The following DLG2 variants were observed in gnomAD, a reference collection of about 807,000 sequenced individuals.
The protein encoded by DLG2 is discs large MAGUK scaffold protein 2, also known as disks large homolog 2.
In DLG2, 45 loss-of-function variants were observed where a neutral mutation model predicts 132.5. The ratio of observed to expected loss-of-function variants is 0.34; its 90% confidence interval spans 0.27 to 0.44. DLG2 has a LOEUF of 0.44. Among genes scored for constraint, DLG2 ranks in the 20% least tolerant of loss-of-function variants. The probability of loss-of-function intolerance (pLI) is 1.00; values close to 1 mark genes in which losing one functional copy is unlikely to be tolerated. For synonymous variants in DLG2, 424 were observed against 419.6 expected, an observed-to-expected ratio of 1.01 and a Z score of -0.13; for missense variants, 1,045 against 1,196.9, an observed-to-expected ratio of 0.87 and a Z score of 1.87.
intron 7 of DLG2, among the ~76,000 whole-genome samples, chr11:84,358,869 G>A (rs187537130): frequency 6.6e-5 from 10 of 151,992 alleles, no homozygotes; most frequent in African/African-American, 2.2e-4. Context: ...AAGAAATTGA[G>A]GGACATATGA....
At chr11:84,395,418 T>C (rs971860943) in intron 7 of DLG2, among the ~76,000 whole-genome samples, 1 of 152,086 alleles carries the variant, frequency 6.6e-6, no homozygotes, top group African/African-American at 2.4e-5. Context: ...TTTCTTCTTT[T>C]GCTTTTTTCC....
chr11:84,743,898 G>A (rs1476544050), intron 6 of DLG2, among the ~76,000 whole-genome samples: 1 of 151,812 alleles, frequency 6.6e-6, no homozygotes, highest in African/African-American at 2.4e-5. Context: ...CTAATTTTTT[G>A]TATTTTTAGT....
intron 16 of DLG2, among the ~76,000 whole-genome samples, chr11:83,850,181 T>G: frequency 7.5e-6 from 1 of 132,914 alleles, no homozygotes; most frequent in African/African-American, 2.9e-5. Flanking sequence ...TGAGACGGAG[T>G]CTCACTCTGT....
At chr11:83,842,474 G>C (rs1300903667) in intron 16 of DLG2, among the ~76,000 whole-genome samples, 1 of 137,226 alleles carries the variant, frequency 7.3e-6, no homozygotes, top group East Asian at 2.2e-4. Flanking sequence ...TGCACCTGTA[G>C]TCCCAGCTGC....
chr11:84,990,328 T>TA (rs1456654854), intron 6 of DLG2, among the ~76,000 whole-genome samples: 1 of 152,178 alleles, frequency 6.6e-6, no homozygotes, highest in Non-Finnish European at 1.5e-5. Flanking sequence ...CATTAAGAGG[T>TA]AGGGCCTTTA....
intron 19 of DLG2, among the ~76,000 whole-genome samples, chr11:83,619,018 AT>A (rs1159000273): frequency 6.6e-6 from 1 of 152,116 alleles, no homozygotes; most frequent in Admixed American, 6.6e-5. Context: ...CCTATGTAGT[AT>A]TTTATAATTA....
At chr11:83,782,285 T>C (rs760319181) in intron 18 of DLG2, among the ~76,000 whole-genome samples, 2 of 152,218 alleles carry the variant, frequency 1.3e-5, no homozygotes, top group Non-Finnish European at 2.9e-5. Flanking sequence ...CTGAAAACAT[T>C]ATATTGCATT....
chr11:84,174,014 CT>C (rs11338428), intron 8 of DLG2, among the ~76,000 whole-genome samples: 9,120 of 60,356 alleles, frequency 0.15, 436 homozygotes, highest in East Asian at 0.23. Flanking sequence ...ACCCCCCGGC[CT>C]TTTTTTTTTT....
At chr11:84,797,877 G>T (rs1252078766) in intron 6 of DLG2, among the ~76,000 whole-genome samples, 1 of 152,142 alleles carries the variant, frequency 6.6e-6, no homozygotes, top group African/African-American at 2.4e-5. Context: ...AGTATTCAAA[G>T]AGACTTGGGC....
chr11:84,510,858 A>G (rs1216849956), intron 7 of DLG2, among the ~76,000 whole-genome samples: 1 of 151,806 alleles, frequency 6.6e-6, no homozygotes, highest in Non-Finnish European at 1.5e-5. Flanking sequence ...GGAGTGGAGG[A>G]GCAGAGAGTT....
chr11:85,528,331 A>T (rs1168926044), intron 3 of DLG2, among the ~76,000 whole-genome samples: 1 of 152,150 alleles, frequency 6.6e-6, no homozygotes, highest in Non-Finnish European at 1.5e-5. Flanking sequence ...TTTAAATATA[A>T]GTCTTTAACC....
intron 6 of DLG2, among the ~76,000 whole-genome samples, chr11:84,794,292 G>A (rs544055642): frequency 1.3e-5 from 2 of 152,326 alleles, no homozygotes; most frequent in Admixed American, 6.5e-5. Context: ...GTAACACAAA[G>A]GATAAATGTT....
chr11:84,881,936 C>T (rs995250600), intron 6 of DLG2, among the ~76,000 whole-genome samples: 9 of 152,006 alleles, frequency 5.9e-5, no homozygotes, highest in African/African-American at 1.2e-4. Flanking sequence ...CATATTCTAC[C>T]TTTTATTCTG....
intron 6 of DLG2, among the ~76,000 whole-genome samples, chr11:84,631,093 C>T (rs941523480): frequency 4.6e-5 from 2 of 43,656 alleles, no homozygotes; most frequent in African/African-American, 1.8e-4. Context: ...GAGCCATCCC[C>T]ACAGAGTATC....
intron 6 of DLG2, among the ~76,000 whole-genome samples, chr11:84,983,422 A>G (rs2056048213): frequency 6.6e-6 from 1 of 152,140 alleles, no homozygotes; most frequent in Admixed American, 6.5e-5. Context: ...TCAGGAAGCC[A>G]CATCCTAGGA....
At chr11:83,497,914 A>T (rs1233883602) in intron 21 of DLG2, among the ~76,000 whole-genome samples, 1 of 145,340 alleles carries the variant, frequency 6.9e-6, no homozygotes, top group Non-Finnish European at 1.5e-5. Context: ...TTAATTTATT[A>T]AAAAAAAAAC....
chr11:84,783,162 T>C (rs2072135984), intron 6 of DLG2, among the ~76,000 whole-genome samples: 1 of 152,238 alleles, frequency 6.6e-6, no homozygotes, highest in African/African-American at 2.4e-5. Context: ...TCTAGTAGTC[T>C]AAATTTTACT....
intron 3 of DLG2, among the ~76,000 whole-genome samples, chr11:85,547,747 C>G (rs2076422104): frequency 6.6e-6 from 1 of 152,030 alleles, no homozygotes; most frequent in African/African-American, 2.4e-5. Flanking sequence ...TCTTCAGTCA[C>G]TGATATCCTT....
rs147056272 is a variant in DLG2, at chr11:84,339,649, T to C, written c.520-88358A>G. ...AAGGAGTCTGGACTCTGTGGTGTCC[T>C]TTCCTTGGTCTATCAAGATCATCCC... On this transcript the variant is annotated intron_variant, in intron 7 of 27. Coordinates refer to ENST00000376104, the MANE Select transcript of DLG2 (RefSeq NM_001142699.3). Among the ~76,000 whole-genome samples the C allele has an allele frequency of 1.9e-3, 294 of 152,306 alleles. 1 individual carries two copies. The highest frequency in any genetic ancestry group is 0.01 in the Middle Eastern group (3 of 292).
Sources: allele counts gnomAD v4.1 joint callset (sites outside exome capture counted in the v4.1 genomes callset), GRCh38; gene constraint gnomAD v4.1.1; transcripts MANE v1.5; gene names NCBI Gene and HGNC (gene_info 2026-07-23, HGNC 2026-07-21).